GPR19: variants seen among roughly 807,000 people sequenced by gnomAD.
GPR19 encodes G protein-coupled receptor 19, also known as probable G protein-coupled receptor 19.
GPR19 carries 14 observed loss-of-function variants against 28.5 expected under a neutral mutation model. That is an observed-to-expected ratio of 0.49 (90% CI 0.32 to 0.77). The LOEUF is 0.77. Ranked by LOEUF, GPR19 falls within the 30% of genes least tolerant of loss-of-function variation. The probability of loss-of-function intolerance (pLI) is 0.03; values close to 1 mark genes in which losing one functional copy is unlikely to be tolerated. For missense variants in GPR19, 409 were observed against 504.1 expected (o/e 0.81, Z 1.81); for synonymous variants, 173 against 184.1 (o/e 0.94, Z 0.49).
upstream of GPR19, among the ~76,000 whole-genome samples, chr12:12,696,728 TGTCGCGGTTCTCGCC>T (rs1946268306): frequency 6.6e-6 from 1 of 152,238 alleles, no homozygotes; most frequent in South Asian, 2.1e-4. Flanking sequence ...CGAAGCGCTG[TGTCGCGGTTCTCGCC>T]GCCCCGAGCG....
intron 3 of GPR19, among the ~76,000 whole-genome samples, chr12:12,676,981 G>A (rs960039944): frequency 2.0e-5 from 3 of 152,208 alleles, no homozygotes; most frequent in African/African-American, 7.2e-5. Flanking sequence ...AAAGAACAAC[G>A]AAGTAGTTGA....
At chr12:12,675,407 G>C (rs1291385954) in intron 3 of GPR19, among the ~76,000 whole-genome samples, 1 of 152,162 alleles carries the variant, frequency 6.6e-6, no homozygotes, top group African/African-American at 2.4e-5. Flanking sequence ...GAAATAATGT[G>C]AGTAGTAGGC....
the GPR19 span, among the ~76,000 whole-genome samples, chr12:12,711,601 G>A: frequency 6.6e-6 from 1 of 152,182 alleles, no homozygotes; most frequent in Non-Finnish European, 1.5e-5. Context: ...CTGGGCAGTT[G>A]TATGCTCAGT....
chr12:12,716,723 C>G, the GPR19 span: 3 of 985,020 alleles, frequency 3.0e-6, no homozygotes, highest in Non-Finnish European at 3.6e-6. Context: ...AAGACGTTCG[C>G]TTTGGCTTCT....
At chr12:12,678,472 G>GAGA (rs1299485409) in intron 3 of GPR19, among the ~76,000 whole-genome samples, 1 of 152,156 alleles carries the variant, frequency 6.6e-6, no homozygotes, top group African/African-American at 2.4e-5. Context: ...CAGAGAACCA[G>GAGA]AGAAAGGTAA....
Position 12,664,294 on chromosome 12 carries a change from T to G in GPR19, c.-22-1824A>C, listed in dbSNP as rs115826840. ...TGTAGCAATTGCGCCCAGCCCTCAT[T>G]TTTTCTTTGAGGGATTTTTGTACTA... On this transcript the variant is annotated intron_variant, in intron 3 of 3. Coordinates refer to ENST00000651487, the MANE Select transcript of GPR19 (RefSeq NM_006143.3). Among the ~76,000 whole-genome samples, 691 of 152,190 alleles carry G rather than the reference T, an allele frequency of 4.5e-3. 7 individuals are homozygous for G. The highest frequency in any genetic ancestry group is 0.016 in the African/African-American group (658 of 41,526).
At chr12:12,696,537 C>A (rs577097092), upstream of GPR19, among the ~76,000 whole-genome samples, 6 of 152,318 alleles carry the variant, frequency 3.9e-5, no homozygotes, top group East Asian at 1.2e-3. Flanking sequence ...ACAACTACTT[C>A]TTCAGAAACA....
In GPR19 at chr12:12,662,733, G is replaced by A. The variant is rs374851039; in HGVS notation, c.-22-263C>T. Among the ~76,000 whole-genome samples the A allele has an allele frequency of 2.6e-5, 4 of 152,288 alleles. No homozygotes were observed. In the South Asian group the frequency reaches 6.2e-4, roughly 24 times the overall value. On this transcript the variant is annotated intron_variant, in intron 3 of 3. Coordinates refer to ENST00000651487, the MANE Select transcript of GPR19 (RefSeq NM_006143.3). ...CCTTCTCTTGACCCTTAGTCATACC[G>A]AGCTCCCCTCCTACACATATCCTTG...
At chr12:12,692,008 A>G (rs1343652179) in intron 2 of GPR19, among the ~76,000 whole-genome samples, 2 of 152,162 alleles carry the variant, frequency 1.3e-5, no homozygotes, top group Non-Finnish European at 1.5e-5. Context: ...TCTGTAGTAG[A>G]TTTAACAAAA....
chr12:12,689,435 T>A (rs1202491110), intron 2 of GPR19, among the ~76,000 whole-genome samples: 3 of 152,102 alleles, frequency 2.0e-5, no homozygotes, highest in African/African-American at 7.2e-5. Context: ...ATACCCCCAC[T>A]TCCCCCCAAA....
intron 2 of GPR19, among the ~76,000 whole-genome samples, chr12:12,694,042 C>T (rs1276907458): frequency 6.6e-6 from 1 of 152,000 alleles, no homozygotes; most frequent in Non-Finnish European, 1.5e-5. Flanking sequence ...ACCTTTGTTG[C>T]AAAATGGAGG....
chr12:12,682,002 T>C (rs1946030261), intron 3 of GPR19, among the ~76,000 whole-genome samples: 1 of 152,214 alleles, frequency 6.6e-6, no homozygotes, highest in Non-Finnish European at 1.5e-5. Flanking sequence ...CTGTGAGCTT[T>C]CTATACAGAG....
intron 3 of GPR19, among the ~76,000 whole-genome samples, chr12:12,680,410 GA>G (rs2136329064): frequency 6.6e-6 from 1 of 152,348 alleles, no homozygotes; most frequent in South Asian, 2.1e-4. Context: ...TATACCAAAG[GA>G]AAGGCTCCAG....
At chr12:12,715,019 C>A in the GPR19 span, 5 of 152,182 alleles carry the variant, frequency 3.3e-5, no homozygotes, top group Admixed American at 2.6e-4. Context: ...TTGAAAGATT[C>A]AGCATGTGAA....
intron 3 of GPR19, among the ~76,000 whole-genome samples, chr12:12,676,073 C>T (rs773576622): frequency 2.6e-5 from 4 of 152,164 alleles, no homozygotes; most frequent in Non-Finnish European, 4.4e-5. Context: ...ATTCTATCAC[C>T]TTCTAATACC....
the GPR19 span, among the ~76,000 whole-genome samples, chr12:12,701,289 G>T: frequency 1.0e-3 from 157 of 152,204 alleles, no homozygotes; most frequent in African/African-American, 3.8e-3. Flanking sequence ...CTCTTTAATT[G>T]TGAGAAGCTT....
At chr12:12,687,448 C>T (rs894086988) in intron 2 of GPR19, among the ~76,000 whole-genome samples, 1 of 152,164 alleles carries the variant, frequency 6.6e-6, no homozygotes, top group African/African-American at 2.4e-5. Context: ...TTTCTAGATC[C>T]TCAACTTCTA....
At chr12:12,706,130 C>T in the GPR19 span, among the ~76,000 whole-genome samples, 1 of 152,212 alleles carries the variant, frequency 6.6e-6, no homozygotes, top group South Asian at 2.1e-4. Flanking sequence ...TTTTAACTCA[C>T]ACCAGTCAGG....
At chr12:12,701,164 ATGT>A (rs1360581266), upstream of GPR19, among the ~76,000 whole-genome samples, 2 of 152,208 alleles carry the variant, frequency 1.3e-5, no homozygotes, top group Non-Finnish European at 2.9e-5. Flanking sequence ...ACAGAACTTA[ATGT>A]TGTAAAAAAC....
Sources: allele counts gnomAD v4.1 joint callset (sites outside exome capture counted in the v4.1 genomes callset), GRCh38; gene constraint gnomAD v4.1.1; transcripts MANE v1.5; gene names NCBI Gene and HGNC (gene_info 2026-07-23, HGNC 2026-07-21).